The following ABCB1 variants were observed in gnomAD, a reference collection of about 807,000 sequenced individuals.
ABCB1 encodes ATP-dependent translocase ABCB1.
In ABCB1, 69 loss-of-function variants were observed where a neutral mutation model predicts 142.0. That is an observed-to-expected ratio of 0.49 (90% CI 0.40 to 0.59). ABCB1 has a LOEUF of 0.59. Among genes scored for constraint, ABCB1 ranks in the 20% least tolerant of loss-of-function variants. The pLI is 0.00. For missense variants in ABCB1, 1,326 were observed against 1,554.7 expected (o/e 0.85, Z 2.47); for synonymous variants, 532 against 539.2 (o/e 0.99, Z 0.18).
chr7:87,615,894 A>G (rs1252801257), intron 1 of ABCB1, among the ~76,000 whole-genome samples: 1 of 152,222 alleles, frequency 6.6e-6, no homozygotes, highest in East Asian at 1.9e-4. Flanking sequence ...GTAAAAATCT[A>G]CCAAATATTT....
chr7:87,690,653 C>A (rs558645982), intron 1 of ABCB1, among the ~76,000 whole-genome samples: 1 of 152,172 alleles, frequency 6.6e-6, no homozygotes, highest in South Asian at 2.1e-4. Context: ...TGTTGCTTCG[C>A]TGAAAAATTT....
At chr7:87,662,455 T>C (rs531100474) in intron 1 of ABCB1, among the ~76,000 whole-genome samples, 34 of 152,302 alleles carry the variant, frequency 2.2e-4, no homozygotes, top group Admixed American at 2.0e-3. Flanking sequence ...GGGTCTAGTT[T>C]CATTCTTCTG....
At position 87,617,521 on chromosome 7, in the gene ABCB1, A is replaced by G. The variant is rs533576847; in HGVS notation, c.-330-16443T>C. Among the ~76,000 whole-genome samples the G allele has an allele frequency of 7.9e-5, 12 of 152,358 alleles. 1 individual carries two copies. In the South Asian group the frequency reaches 2.5e-3, roughly 32 times the overall value. ...GACTATTGTTTGTCTTCTTCTGTAG[A>G]GTACAACTAGGCTCAGTACATGAGA... On this transcript the variant is annotated intron_variant, in intron 1 of 28. Transcript: ENST00000265724.
At chr7:87,596,519 C>T (rs1030246899) in intron 2 of ABCB1, among the ~76,000 whole-genome samples, 1 of 152,058 alleles carries the variant, frequency 6.6e-6, no homozygotes, top group Non-Finnish European at 1.5e-5. Flanking sequence ...ACAAATGAAT[C>T]TAACTCTGTA....
At chr7:87,640,269 T>G (rs566250715) in intron 1 of ABCB1, among the ~76,000 whole-genome samples, 8 of 151,506 alleles carry the variant, frequency 5.3e-5, no homozygotes, top group Non-Finnish European at 1.2e-4. Context: ...GAAATACACA[T>G]TTATATTTAT....
intron 1 of ABCB1, among the ~76,000 whole-genome samples, chr7:87,640,312 C>T (rs997756886): frequency 2.6e-5 from 4 of 151,690 alleles, no homozygotes; most frequent in African/African-American, 9.7e-5. Flanking sequence ...TTACCTTCCT[C>T]AGTTTTGGAA....
chr7:87,528,291 T>C (rs1203537334), intron 21 of ABCB1, among the ~76,000 whole-genome samples: 1 of 152,210 alleles, frequency 6.6e-6, no homozygotes, highest in African/African-American at 2.4e-5. Context: ...TAAGTGTTTG[T>C]GTGCATAAAA....
At chr7:87,707,927 C>G (rs1829752756) in intron 1 of ABCB1, among the ~76,000 whole-genome samples, 1 of 151,268 alleles carries the variant, frequency 6.6e-6, no homozygotes, top group East Asian at 1.9e-4. Flanking sequence ...TCTAAATAAC[C>G]CATGGATGAA....
chr7:87,641,467 T>C (rs1822445428), intron 1 of ABCB1, among the ~76,000 whole-genome samples: 1 of 152,194 alleles, frequency 6.6e-6, no homozygotes, highest in South Asian at 2.1e-4. Flanking sequence ...CTCCTGGCCT[T>C]TCAGGGTTTT....
intron 1 of ABCB1, chr7:87,629,424 C>T (rs1000564542): frequency 6.5e-6 from 1 of 152,768 alleles, no homozygotes; most frequent in African/African-American, 2.4e-5. Context: ...GTGCCTACTA[C>T]ATGCCAGCCA....
Position 87,710,518 on chromosome 7 carries a change from C to G in ABCB1, c.-331+2643G>C, listed in dbSNP as rs1829983031. ...TAAAATATTTTTGATGGCACAGTGGCAAAATATTTTTTTAATTTTTTTTAT... is the reference window on the plus strand; with the variant it reads ...TAAAATATTTTTGATGGCACAGTGGGAAAATATTTTTTTAATTTTTTTTAT... On this transcript the variant is annotated intron_variant, in intron 1 of 28. Coordinates refer to the ABCB1 transcript ENST00000265724. 2.7e-6 allele frequency: 3 copies of G among 1,106,844 alleles called. No homozygotes were observed. The South Asian group carries it at 4.4e-5, about 16-fold the overall frequency. 68.6% of individuals were successfully genotyped at this position (1,106,844 alleles called of 1,614,324 possible).
At chr7:87,657,063 C>G (rs1042214439) in intron 1 of ABCB1, among the ~76,000 whole-genome samples, 1 of 152,052 alleles carries the variant, frequency 6.6e-6, no homozygotes, top group African/African-American at 2.4e-5. Context: ...ATACTTTCCC[C>G]TATTTCTCTC....
In ABCB1 at chr7:87,712,466, G is replaced by C. The variant is rs187356780; in HGVS notation, c.-331+695C>G. Among the ~76,000 whole-genome samples the C allele has an allele frequency of 7.9e-5, 12 of 152,096 alleles. No individual in the cohort carries two copies. In the East Asian group the frequency reaches 2.3e-3, roughly 29 times the overall value. Reference sequence around the variant, plus strand: ...CCTACATTAATTAAATCAAAATCAAGTTTGCATAGTAATCATTTCCTATGC... The same window carrying C: ...CCTACATTAATTAAATCAAAATCAACTTTGCATAGTAATCATTTCCTATGC... On this transcript the variant is annotated intron_variant, in intron 1 of 28. Coordinates refer to the ABCB1 transcript ENST00000265724.
chr7:87,548,203 AGGG>A (rs1816886676), intron 14 of ABCB1, among the ~76,000 whole-genome samples: 2 of 114,378 alleles, frequency 1.7e-5, no homozygotes, highest in South Asian at 8.5e-4. Flanking sequence ...AGGGAAGGGA[AGGG>A]AAAGGAAGGG....
intron 4 of ABCB1, among the ~76,000 whole-genome samples, chr7:87,574,152 T>C (rs1026648903): frequency 4.6e-5 from 7 of 152,080 alleles, no homozygotes; most frequent in Non-Finnish European, 8.8e-5. Context: ...AAATATGTAG[T>C]GAGTTGAAGG....
At chr7:87,576,211 A>G (rs536940307) in intron 4 of ABCB1, among the ~76,000 whole-genome samples, 1 of 151,878 alleles carries the variant, frequency 6.6e-6, no homozygotes, top group South Asian at 2.1e-4. Flanking sequence ...ATTGTAACTA[A>G]TTCTACTTTT....
intron 1 of ABCB1, among the ~76,000 whole-genome samples, chr7:87,632,821 G>C (rs540310809): frequency 3.6e-4 from 55 of 152,196 alleles, no homozygotes; most frequent in African/African-American, 1.3e-3. Flanking sequence ...AATGTCTTAT[G>C]AGCAAATTAT....
At chr7:87,585,761 C>CA in intron 3 of ABCB1, 81 bp from the exon 4 acceptor site, 1 of 1,466,384 alleles carries the variant, frequency 6.8e-7, no homozygotes. Context: ...AAAATATATC[C>CA]AAAATCCAAA....
At chr7:87,608,375 G>C (rs1484794986) in intron 1 of ABCB1, among the ~76,000 whole-genome samples, 2 of 152,206 alleles carry the variant, frequency 1.3e-5, no homozygotes, top group Non-Finnish European at 2.9e-5. Flanking sequence ...TGATTTGCTT[G>C]AAAGAAGTTT....
Sources: gnomAD v4.1 joint callset for allele counts (sites outside exome capture counted in the v4.1 genomes callset) on GRCh38, gnomAD v4.1.1 for gene constraint, MANE v1.5 for transcripts, NCBI Gene and HGNC (gene_info 2026-07-23, HGNC 2026-07-21) for gene names.